Variants in FMN1 observed in about 807,000 individuals in gnomAD.
FMN1 encodes formin-1.
In FMN1, 110 loss-of-function variants were observed where a neutral mutation model predicts 132.4. The observed-to-expected ratio is 0.83, with a 90% CI of 0.71 to 0.97. The LOEUF is 0.97. Ranked by LOEUF, FMN1 falls within the 50% of genes least tolerant of loss-of-function variation. The pLI, the probability that FMN1 is intolerant of heterozygous loss-of-function variation, is 0.00. For synonymous variants in FMN1, 722 were observed against 651.7 expected (o/e 1.11, Z -1.64); for missense variants, 1,792 against 1,705.3 (o/e 1.05, Z -0.90).
chr15:33,116,227 T>A (rs2039919836), intron 4 of FMN1, among the ~76,000 whole-genome samples: 1 of 151,672 alleles, frequency 6.6e-6, no homozygotes, highest in Admixed American at 6.6e-5. Context: ...ATTGACCTAG[T>A]CTAGGAAGCA....
At position 32,922,582 on chromosome 15, in the gene FMN1, AGAG is replaced by A. The variant is rs1217896047; in HGVS notation, c.3226+3589_3226+3591del. Among the ~76,000 whole-genome samples the A allele has an allele frequency of 2.0e-5, 3 of 151,894 alleles. No individual in the cohort carries two copies. The East Asian group carries it at 5.8e-4, about 29-fold the overall frequency. On this transcript the variant is annotated intron_variant, in intron 10 of 20. Transcript: ENST00000616417. ...GAAGTGCTCCTCTTACAAAAGAAGAAGAGAAGATTGCTCTTCAACAGCCAAACC... is the reference window on the plus strand; with the variant it reads ...GAAGTGCTCCTCTTACAAAAGAAGAAAAGATTGCTCTTCAACAGCCAAACC...
intron 15 of FMN1, among the ~76,000 whole-genome samples, chr15:32,897,258 TAA>T (rs2060182582): frequency 1.3e-5 from 2 of 152,214 alleles, no homozygotes; most frequent in African/African-American, 4.8e-5. Flanking sequence ...ACCCAATTTT[TAA>T]AATTGGGTTT....
chr15:33,056,929 C>G (rs1057405575), intron 6 of FMN1, among the ~76,000 whole-genome samples: 4 of 152,170 alleles, frequency 2.6e-5, no homozygotes, highest in African/African-American at 7.2e-5. Context: ...GTAATCCCAG[C>G]GCTTTGGGAG....
At chr15:33,074,914 G>A (rs192282787) in intron 5 of FMN1, among the ~76,000 whole-genome samples, 11 of 151,208 alleles carry the variant, frequency 7.3e-5, no homozygotes, top group South Asian at 2.1e-4. Flanking sequence ...CCAGCTACTC[G>A]GGAGGCTGAG....
chr15:32,868,313 G>C (rs768114787), intron 16 of FMN1, among the ~76,000 whole-genome samples: 6 of 152,138 alleles, frequency 3.9e-5, no homozygotes, highest in Non-Finnish European at 5.9e-5. Flanking sequence ...TTACAGTATA[G>C]TACAGCCAGT....
At chr15:32,969,566 C>T in intron 7 of FMN1, 89 bp from the exon 8 acceptor site, 1 of 1,391,136 alleles carries the variant, frequency 7.2e-7, no homozygotes, top group Admixed American at 2.1e-5. Flanking sequence ...ATCATGGTGC[C>T]ACTGTAGCAT....
At chr15:33,104,664 T>C (rs886251145) in intron 4 of FMN1, among the ~76,000 whole-genome samples, 2 of 152,088 alleles carry the variant, frequency 1.3e-5, no homozygotes, top group African/African-American at 4.8e-5. Flanking sequence ...CCTGAAGCAA[T>C]GTTTTCCACC....
At chr15:32,949,960 TATATACACAC>T (rs1443386025) in intron 9 of FMN1, among the ~76,000 whole-genome samples, 100 of 48,114 alleles carry the variant, frequency 2.1e-3, no homozygotes, top group African/African-American at 2.7e-3. Context: ...TATATATATA[TATATACACAC>T]ATATATATAC....
intron 6 of FMN1, among the ~76,000 whole-genome samples, chr15:33,044,176 A>G (rs1370741032): frequency 6.6e-6 from 1 of 152,176 alleles, no homozygotes; most frequent in African/African-American, 2.4e-5. Flanking sequence ...CATGGGATGG[A>G]GGCTGAGGAG....
At chr15:33,044,002 G>A (rs759771566) in intron 6 of FMN1, among the ~76,000 whole-genome samples, 23 of 152,234 alleles carry the variant, frequency 1.5e-4, no homozygotes, top group Non-Finnish European at 3.1e-4. Flanking sequence ...TGCTCCCACT[G>A]CCCAGCCTCT....
intron 6 of FMN1, among the ~76,000 whole-genome samples, chr15:33,046,757 T>TCC (rs746100491): frequency 2.0e-5 from 3 of 152,042 alleles, no homozygotes; most frequent in Non-Finnish European, 4.4e-5. Flanking sequence ...GGTCTCTCTC[T>TCC]CTGTGCAAAC....
At chr15:33,065,096 A>G (rs755795488) in intron 5 of FMN1, 22 bp from the exon 6 acceptor site, 3 of 1,530,434 alleles carry the variant, frequency 2.0e-6, no homozygotes, top group African/African-American at 2.7e-5. Context: ...GCAGGCAAAT[A>G]GTAAGTGGAA....
At chr15:32,896,721 A>C (rs558015620) in intron 15 of FMN1, among the ~76,000 whole-genome samples, 1 of 152,186 alleles carries the variant, frequency 6.6e-6, no homozygotes, top group Non-Finnish European at 1.5e-5. Flanking sequence ...GGCTGACCCC[A>C]TGTTGCAGCA....
At chr15:33,030,586 T>C (rs897460727) in intron 6 of FMN1, among the ~76,000 whole-genome samples, 7 of 152,190 alleles carry the variant, frequency 4.6e-5, no homozygotes, top group Non-Finnish European at 1.5e-5. Flanking sequence ...TAAAATAGAA[T>C]TTTATATTGC....
At chr15:33,056,235 AAGGCATG>A (rs1198140233) in intron 6 of FMN1, among the ~76,000 whole-genome samples, 1 of 152,228 alleles carries the variant, frequency 6.6e-6, no homozygotes, top group Non-Finnish European at 1.5e-5. Flanking sequence ...TATTTACCAA[AAGGCATG>A]TCCAAGGGTG....
At position 32,768,054 on chromosome 15, in the gene FMN1, G is replaced by A. The variant is rs1030459578; in HGVS notation, c.*6256C>T. 6.6e-6 allele frequency: 1 copy of A among 152,164 alleles called. No individual in the cohort carries two copies. Among genetic ancestry groups the A allele is most frequent in the Non-Finnish European group, 1.5e-5 (1 of 68,018 alleles). The allele number at this position is 152,164 out of a possible 1,614,324, so 9.4% of individuals were successfully genotyped here. On this transcript the variant is annotated 3_prime_UTR_variant, in exon 21 of 21. Coordinates refer to ENST00000616417, the MANE Select transcript of FMN1 (RefSeq NM_001277313.2). ...CATCTAAAATGTAAAGATTTCAAAT[G>A]TCCTTTTAGTCCCTTACTGGGAAGA...
intron 18 of FMN1, among the ~76,000 whole-genome samples, chr15:32,803,887 C>T (rs150992984): frequency 6.6e-6 from 1 of 152,256 alleles, no homozygotes; most frequent in Non-Finnish European, 1.5e-5. Context: ...GAAAAATATT[C>T]CTAAGTCCTG....
intron 16 of FMN1, among the ~76,000 whole-genome samples, chr15:32,859,011 C>T (rs2059202432): frequency 6.6e-6 from 1 of 152,068 alleles, no homozygotes; most frequent in African/African-American, 2.4e-5. Flanking sequence ...GCAGGTGTAA[C>T]AAATAGGTCT....
At chr15:32,827,834 A>T (rs2058406696) in intron 17 of FMN1, among the ~76,000 whole-genome samples, 1 of 149,506 alleles carries the variant, frequency 6.7e-6, no homozygotes, top group African/African-American at 2.5e-5. Context: ...ACAGAGCAAG[A>T]CTCCGTCTCA....
Sources: gnomAD v4.1 joint callset for allele counts (sites outside exome capture counted in the v4.1 genomes callset) on GRCh38, gnomAD v4.1.1 for gene constraint, MANE v1.5 for transcripts, NCBI Gene and HGNC (gene_info 2026-07-23, HGNC 2026-07-21) for gene names.